Variants in DNM3 observed in about 807,000 individuals in gnomAD.
DNM3 encodes dynamin-3.
In DNM3, 47 loss-of-function variants were observed where a neutral mutation model predicts 101.6. That is an observed-to-expected ratio of 0.46 (90% CI 0.37 to 0.59). DNM3 has a LOEUF of 0.59. Among genes scored for constraint, DNM3 ranks in the 20% least tolerant of loss-of-function variants. The pLI is 0.00. For synonymous variants in DNM3, 385 were observed against 387.9 expected, an observed-to-expected ratio of 0.99 and a Z score of 0.09; for missense variants, 849 against 1,085.7, an observed-to-expected ratio of 0.78 and a Z score of 3.06.
chr1:172,308,323 C>T (rs565183377), intron 15 of DNM3, among the ~76,000 whole-genome samples: 1 of 152,132 alleles, frequency 6.6e-6, no homozygotes, highest in African/African-American at 2.4e-5. Context: ...AGATTATTGC[C>T]GTGCATCTTA....
chr1:172,204,618 G>A (rs140325019), intron 14 of DNM3, among the ~76,000 whole-genome samples: 205 of 152,168 alleles, frequency 1.3e-3, no homozygotes, highest in Middle Eastern at 3.4e-3. Flanking sequence ...GCAGCCACAC[G>A]TTTCTCCCAA....
intron 15 of DNM3, among the ~76,000 whole-genome samples, chr1:172,271,801 A>G (rs2063098301): frequency 6.6e-6 from 1 of 152,132 alleles, no homozygotes; most frequent in Non-Finnish European, 1.5e-5. Flanking sequence ...TACATTTGTC[A>G]TTTGGAAAAC....
At chr1:172,353,993 C>T (rs963100158) in intron 17 of DNM3, among the ~76,000 whole-genome samples, 6 of 151,772 alleles carry the variant, frequency 4.0e-5, no homozygotes, top group South Asian at 2.1e-4. Flanking sequence ...TCCACTTACT[C>T]GTGGTTCACG....
rs375267752 is a variant in DNM3 at position 172,286,610 on chromosome 1, A to G, written c.1770-22118A>G. On this transcript the variant is annotated intron_variant, in intron 15 of 20. Coordinates refer to ENST00000627582, the MANE Select transcript of DNM3 (RefSeq NM_015569.5). ...ACCCAGCATCACAGCCACAAGCAAC[A>G]TGGTTATTATTTATTACCCTGAGAC... Among the ~76,000 whole-genome samples, 10 of 152,278 alleles carry G rather than the reference A, an allele frequency of 6.6e-5. No individual in the cohort carries two copies. The East Asian group carries it at 1.7e-3, about 26-fold the overall frequency.
chr1:172,163,488 T>A (rs913137646), intron 14 of DNM3, among the ~76,000 whole-genome samples: 4 of 152,082 alleles, frequency 2.6e-5, no homozygotes, highest in African/African-American at 7.2e-5. Flanking sequence ...TCTGCCCCCC[T>A]TGGCCTCCCA....
chr1:171,893,911 G>GTT (rs1254523918), intron 1 of DNM3, among the ~76,000 whole-genome samples: 5 of 152,080 alleles, frequency 3.3e-5, no homozygotes, highest in Non-Finnish European at 2.9e-5. Flanking sequence ...TAACTACATA[G>GTT]TTATATATAT....
intron 18 of DNM3, among the ~76,000 whole-genome samples, chr1:172,385,874 A>G (rs955284859): frequency 6.6e-6 from 1 of 152,250 alleles, no homozygotes; most frequent in Non-Finnish European, 1.5e-5. Context: ...ACTAGGCTTA[A>G]GTTAATTGCT....
At chr1:172,293,022 G>C (rs534809175) in intron 15 of DNM3, among the ~76,000 whole-genome samples, 1 of 152,188 alleles carries the variant, frequency 6.6e-6, no homozygotes, top group African/African-American at 2.4e-5. Flanking sequence ...ACATGTGGCC[G>C]ACTGTGCGTG....
In DNM3 at chr1:172,409,702, A is replaced by G. The variant is rs2071100616; in HGVS notation, c.*1861A>G. ...AAACTGTTAAGCAAACATCCATAGT[A>G]AAACAAATAATCTTCAGTGAGATCT... On this transcript the variant is annotated 3_prime_UTR_variant, in exon 21 of 21. Coordinates refer to ENST00000627582, the MANE Select transcript of DNM3 (RefSeq NM_015569.5). The G allele has an allele frequency of 2.0e-6, 2 of 985,642 alleles. No individual in the cohort carries two copies. The allele number at this position is 985,642 out of a possible 1,614,324, so 61.1% of individuals were successfully genotyped here. A position where few individuals can be genotyped will look rare whatever the true frequency, so the allele number is the denominator to read the frequency against.
intron 15 of DNM3, among the ~76,000 whole-genome samples, chr1:172,294,807 G>A (rs952839820): frequency 6.6e-6 from 1 of 151,308 alleles, no homozygotes; most frequent in Non-Finnish European, 1.5e-5. Flanking sequence ...GGCTACTTGG[G>A]AAGCTGAGGT....
At chr1:171,926,963 A>G (rs1357064474) in intron 2 of DNM3, among the ~76,000 whole-genome samples, 1 of 152,188 alleles carries the variant, frequency 6.6e-6, no homozygotes, top group Non-Finnish European at 1.5e-5. Flanking sequence ...GACAGACTGG[A>G]TGCTTTCTGT....
At position 172,239,798 on chromosome 1, in the gene DNM3, C is replaced by CTTTTTTTTTTTTTTTTT. The variant is rs369238528; in HGVS notation, c.1660-13774_1660-13773insTTTTTTTTTTTTTTTTT. ...TTTCTCCAGCCCTGTCTTTTTTTTT[C>CTTTTTTTTTTTTTTTTT]TCTTTTTTTTTTTTTTTTTTTTGTA... On this transcript the variant is annotated intron_variant, in intron 14 of 20. Transcript: ENST00000627582. Among the ~76,000 whole-genome samples, 659 of 106,782 alleles carry CTTTTTTTTTTTTTTTTT rather than the reference C, an allele frequency of 6.2e-3. 27 individuals carry two copies. Among genetic ancestry groups the CTTTTTTTTTTTTTTTTT allele is most frequent in the Non-Finnish European group, 8.2e-3 (461 of 56,500 alleles). 70.1% of individuals were successfully genotyped at this position (106,782 alleles called of 152,430 possible). A position where few individuals can be genotyped will look rare whatever the true frequency, so the allele number is the denominator to read the frequency against.
At chr1:172,241,291 C>G (rs1184711686) in intron 14 of DNM3, among the ~76,000 whole-genome samples, 1 of 149,792 alleles carries the variant, frequency 6.7e-6, no homozygotes. Context: ...TGGTTAGAAG[C>G]TCTTTTTGAG....
At chr1:171,972,935 C>T (rs2044117440) in intron 2 of DNM3, among the ~76,000 whole-genome samples, 1 of 152,180 alleles carries the variant, frequency 6.6e-6, no homozygotes, top group Admixed American at 6.5e-5. Flanking sequence ...GCAGAGTTCT[C>T]TCTCAATACC....
At chr1:172,311,456 T>C (rs1041237739) in intron 16 of DNM3, among the ~76,000 whole-genome samples, 1 of 152,092 alleles carries the variant, frequency 6.6e-6, no homozygotes, top group South Asian at 2.1e-4. Context: ...ACAAAAATAA[T>C]GCTTAGCCAG....
At chr1:172,109,705 A>G (rs1189507923) in intron 13 of DNM3, among the ~76,000 whole-genome samples, 2 of 152,334 alleles carry the variant, frequency 1.3e-5, no homozygotes, top group East Asian at 1.9e-4. Flanking sequence ...GATATTTACC[A>G]GGGCCTCTCC....
intron 14 of DNM3, among the ~76,000 whole-genome samples, chr1:172,176,826 A>G (rs2059168250): frequency 6.6e-6 from 1 of 151,834 alleles, no homozygotes; most frequent in Non-Finnish European, 1.5e-5. Context: ...AAAGTTTTTA[A>G]TCTGTGAAGT....
At chr1:172,094,551 G>A (rs1269488472) in intron 13 of DNM3, among the ~76,000 whole-genome samples, 2 of 152,104 alleles carry the variant, frequency 1.3e-5, no homozygotes, top group African/African-American at 4.8e-5. Flanking sequence ...CATTGTGCCT[G>A]AGTTTGCTCA....
chr1:172,229,476 G>T (rs2061253615), intron 14 of DNM3, among the ~76,000 whole-genome samples: 1 of 152,102 alleles, frequency 6.6e-6, no homozygotes, highest in Admixed American at 6.6e-5. Flanking sequence ...CACTCAGACA[G>T]ACACATGCCC....
Sources: allele counts gnomAD v4.1 joint callset (sites outside exome capture counted in the v4.1 genomes callset), GRCh38; gene constraint gnomAD v4.1.1; transcripts MANE v1.5; gene names NCBI Gene and HGNC (gene_info 2026-07-23, HGNC 2026-07-21).